The following MBD5 variants were observed in gnomAD, a reference collection of about 807,000 sequenced individuals.
MBD5 encodes methyl-CpG-binding domain protein 5.
MBD5 carries 13 observed loss-of-function variants against 117.3 expected under a neutral mutation model. That is an observed-to-expected ratio of 0.11 (90% CI 0.07 to 0.18). The LOEUF is 0.18. MBD5 is among the 10% of genes least tolerant of loss of function. MBD5 has a pLI of 1.00. For missense variants in MBD5, 1,879 were observed against 2,093.8 expected, an observed-to-expected ratio of 0.90 and a Z score of 2.00; for synonymous variants, 727 against 766.4, an observed-to-expected ratio of 0.95 and a Z score of 0.85.
intron 1 of MBD5, among the ~76,000 whole-genome samples, chr2:148,114,888 T>C (rs1333654570): frequency 6.6e-6 from 1 of 151,930 alleles, no homozygotes; most frequent in Non-Finnish European, 1.5e-5. Flanking sequence ...AATGTGTACA[T>C]TGAAAAAAAA....
intron 3 of MBD5, among the ~76,000 whole-genome samples, chr2:148,327,308 A>G (rs935464240): frequency 4.0e-5 from 6 of 151,726 alleles, no homozygotes; most frequent in Non-Finnish European, 8.8e-5. Flanking sequence ...TCTGACAATT[A>G]TGTGTCTTGG....
chr2:148,298,185 G>C (rs971484417), intron 3 of MBD5, among the ~76,000 whole-genome samples: 14 of 152,182 alleles, frequency 9.2e-5, no homozygotes, highest in African/African-American at 3.4e-4. Flanking sequence ...TACAGGTAAG[G>C]TCTTGGTGCA....
At chr2:148,049,890 A>C (rs564217878) in intron 1 of MBD5, among the ~76,000 whole-genome samples, 11 of 152,246 alleles carry the variant, frequency 7.2e-5, no homozygotes, top group African/African-American at 2.6e-4. Context: ...TCAGTACTTC[A>C]ATCTCCTTTA....
intron 7 of MBD5, among the ~76,000 whole-genome samples, chr2:148,466,778 T>C (rs994418338): frequency 6.6e-6 from 1 of 152,126 alleles, no homozygotes; most frequent in African/African-American, 2.4e-5. Flanking sequence ...ACCTCTACCA[T>C]GATAAAATCA....
At chr2:148,486,026 G>C in intron 10 of MBD5, 76 bp downstream of exon 10, 1 of 1,438,170 alleles carries the variant, frequency 7.0e-7, no homozygotes, top group Non-Finnish European at 9.8e-7. Flanking sequence ...GGGGGAAAGG[G>C]TGAAAAAAGT....
intron 4 of MBD5, among the ~76,000 whole-genome samples, chr2:148,403,439 C>T (rs1242998811): frequency 6.6e-6 from 1 of 152,092 alleles, no homozygotes; most frequent in African/African-American, 2.4e-5. Flanking sequence ...CTTGATCTCC[C>T]AAAGTTCTGG....
intron 4 of MBD5, among the ~76,000 whole-genome samples, chr2:148,411,744 GAACTTTTTCAGAT>G (rs1444927842): frequency 6.6e-6 from 1 of 151,864 alleles, no homozygotes; most frequent in Admixed American, 6.6e-5. Flanking sequence ...CTGGATATTA[GAACTTTTTCAGAT>G]GAATAGTTTG....
intron 1 of MBD5, among the ~76,000 whole-genome samples, chr2:148,155,532 T>C (rs1057114631): frequency 6.6e-6 from 1 of 152,212 alleles, no homozygotes; most frequent in African/African-American, 2.4e-5. Flanking sequence ...TTGTAAGTTA[T>C]CACATTTTAT....
chr2:148,168,781 A>T (rs766578262), intron 1 of MBD5, among the ~76,000 whole-genome samples: 8 of 152,012 alleles, frequency 5.3e-5, no homozygotes, highest in Non-Finnish European at 1.2e-4. Flanking sequence ...TGTGTCAGAG[A>T]TATCTCTAAG....
intron 4 of MBD5, among the ~76,000 whole-genome samples, chr2:148,343,258 A>C (rs778713694): frequency 3.3e-5 from 5 of 152,160 alleles, no homozygotes; most frequent in Non-Finnish European, 5.9e-5. Flanking sequence ...TCTTTTTGGG[A>C]GAACAATTTG....
At chr2:148,038,991 TAAC>T (rs1015480304) in intron 1 of MBD5, among the ~76,000 whole-genome samples, 1 of 152,028 alleles carries the variant, frequency 6.6e-6, no homozygotes, top group African/African-American at 2.4e-5. Flanking sequence ...CTAGACATAG[TAAC>T]AACAGGAAAC....
At chr2:148,144,442 T>C (rs2105567848) in intron 1 of MBD5, among the ~76,000 whole-genome samples, 1 of 152,342 alleles carries the variant, frequency 6.6e-6, no homozygotes, top group African/African-American at 2.4e-5. Flanking sequence ...GCAGAAGCTC[T>C]TTAGTTTAAT....
In MBD5 at chr2:148,143,538, C is replaced by T. The variant is rs191953688; in HGVS notation, c.-924-35162C>T. ...ATGTGCACAATGTGCAGGTTTGTTA[C>T]ATACATATGTATATGCCATGTTGGT... On this transcript the variant is annotated intron_variant, in intron 1 of 13. Transcript: ENST00000642680. Among the ~76,000 whole-genome samples, 200 of 152,272 alleles carry T rather than the reference C, an allele frequency of 1.3e-3. 1 individual carries two copies. The highest frequency in any genetic ancestry group is 2.3e-3 in the Non-Finnish European group (154 of 68,012).
chr2:148,278,563 T>A (rs4145340), intron 3 of MBD5, among the ~76,000 whole-genome samples: 151,908 of 152,326 alleles, frequency 1, 75,745 homozygotes, highest in Middle Eastern at 1. Flanking sequence ...ATCTTCATAC[T>A]TTTTTTAATG....
At chr2:148,216,956 G>A (rs985498596) in intron 2 of MBD5, among the ~76,000 whole-genome samples, 6 of 152,142 alleles carry the variant, frequency 3.9e-5, no homozygotes, top group Admixed American at 6.6e-5. Flanking sequence ...ATAGGCATCT[G>A]ACAAAAGTTG....
chr2:148,205,015 A>G (rs1230870897), intron 2 of MBD5, among the ~76,000 whole-genome samples: 1 of 152,048 alleles, frequency 6.6e-6, no homozygotes, highest in African/African-American at 2.4e-5. Flanking sequence ...TTCCCTAAAA[A>G]TATACCACTT....
At chr2:148,237,823 A>C (rs749155165) in intron 3 of MBD5, among the ~76,000 whole-genome samples, 2 of 152,126 alleles carry the variant, frequency 1.3e-5, no homozygotes, top group African/African-American at 2.4e-5. Context: ...TAAGAACTCA[A>C]ATTCACAGAA....
chr2:148,062,988 C>T (rs1339894277), intron 1 of MBD5, among the ~76,000 whole-genome samples: 1 of 152,132 alleles, frequency 6.6e-6, no homozygotes, highest in Non-Finnish European at 1.5e-5. Flanking sequence ...TTTCTCAGCA[C>T]ATATTTGCGG....
chr2:148,144,553 T>A (rs1265912373), intron 1 of MBD5, among the ~76,000 whole-genome samples: 1 of 152,178 alleles, frequency 6.6e-6, no homozygotes, highest in African/African-American at 2.4e-5. Flanking sequence ...ATTGCCTAGG[T>A]TTTCTTCTAG....
Sources: gnomAD v4.1 joint callset for allele counts (sites outside exome capture counted in the v4.1 genomes callset) on GRCh38, gnomAD v4.1.1 for gene constraint, MANE v1.5 for transcripts, NCBI Gene and HGNC (gene_info 2026-07-23, HGNC 2026-07-21) for gene names.